ADGRG7: variants seen among roughly 807,000 people sequenced by gnomAD.
The protein encoded by ADGRG7 is G-protein coupled receptor 128.
In ADGRG7, 82 loss-of-function variants were observed where a neutral mutation model predicts 88.6. The ratio of observed to expected loss-of-function variants is 0.93; its 90% CI spans 0.77 to 1.11. The LOEUF (loss-of-function observed/expected upper bound fraction) is 1.11, where lower values mean the gene tolerates loss of function less well. ADGRG7 is among the 50% of genes most tolerant of loss of function. The pLI, the probability that ADGRG7 is intolerant of heterozygous loss-of-function variation, is 0.00. For missense variants in ADGRG7, 945 were observed against 953.4 expected, an observed-to-expected ratio of 0.99 and a Z score of 0.12; for synonymous variants, 381 against 345.2, an observed-to-expected ratio of 1.10 and a Z score of -1.15.
chr3:100,659,992 T>G (rs1314954501), intron 14 of ADGRG7, 149 bp downstream of exon 14: 9 of 679,282 alleles, frequency 1.3e-5, no homozygotes, highest in Middle Eastern at 5.8e-4. Flanking sequence ...TCTTACACTT[T>G]GACTCAGAAG....
chr3:100,630,530 C>T lies in ADGRG7; in HGVS notation c.230-175C>T, dbSNP rs41272969. Among the ~76,000 whole-genome samples the T allele has an allele frequency of 7.1e-3, 1,074 of 152,240 alleles. 10 individuals are homozygous for T. Among genetic ancestry groups the T allele is most frequent in the African/African-American group, 0.013 (550 of 41,550 alleles). On this transcript the variant is annotated intron_variant, in intron 2 of 15. Coordinates refer to ENST00000273352, the MANE Select transcript of ADGRG7 (RefSeq NM_032787.3). ...TTGTCTAACATACTAGTTATTCTAA[C>T]GGCAATGACTTAACCAGATAGCAAA...
At chr3:100,652,538 T>C (rs773241156) in intron 11 of ADGRG7, among the ~76,000 whole-genome samples, 1 of 152,208 alleles carries the variant, frequency 6.6e-6, no homozygotes, top group Non-Finnish European at 1.5e-5. Flanking sequence ...TCTGCCATAG[T>C]GTACATGAAA....
At chr3:100,683,137 A>G (rs72915295) in intron 15 of ADGRG7, among the ~76,000 whole-genome samples, 1,554 of 152,286 alleles carry the variant, frequency 0.01, 25 homozygotes, top group African/African-American at 0.036. Flanking sequence ...TCTATCACTC[A>G]GTAAAGCTCC....
In ADGRG7 at chr3:100,609,906, G is replaced by A. The variant is rs771782119; in HGVS notation, c.50G>A (p.Cys17Tyr). ...CTTAGGGTGCTGGTGGCTGTCGTGT[G>A]TGGACTACTGACTGGCATCATTTTG... ...WNLRVLVAVV[C>Y]GLLTGIILGL... The change falls in exon 1 of 16, where the codon TGT becomes TAT. Residue 17 changes from cysteine (C) to tyrosine (Y), a missense_variant. Cys to Tyr is a radical substitution (Grantham distance 194, BLOSUM62 -2). Coordinates refer to ENST00000273352, the MANE Select transcript of ADGRG7 (RefSeq NM_032787.3). The A allele has an allele frequency of 1.2e-5, 19 of 1,613,912 alleles. No homozygotes were observed. The highest frequency in any genetic ancestry group is 1.5e-5 in the Non-Finnish European group (18 of 1,179,912).
Position 100,659,763 on chromosome 3 carries a change from C to T in ADGRG7, c.1899C>T (p.Thr633=), listed in dbSNP as rs761227434. The T allele has an allele frequency of 6.2e-7, 1 of 1,613,954 alleles. No individual in the cohort carries two copies. The highest frequency in any genetic ancestry group is 8.5e-7 in the Non-Finnish European group (1 of 1,179,894). ...TGTGGTCATTCATCGTACCTGTAACCATTATCCTCATCAGCAATGTTGTTA... is the reference window on the plus strand; with the variant it reads ...TGTGGTCATTCATCGTACCTGTAACTATTATCCTCATCAGCAATGTTGTTA... ...PLLWSFIVPV[T]IILISNVVMF... The change falls in exon 14 of 16, where the codon ACC becomes ACT. Residue 633 remains threonine, a synonymous_variant. Transcript: ENST00000273352.
chr3:100,682,535 G>A (rs1315684197), intron 15 of ADGRG7, among the ~76,000 whole-genome samples: 1 of 152,180 alleles, frequency 6.6e-6, no homozygotes, highest in African/African-American at 2.4e-5. Flanking sequence ...GGTGACCGCC[G>A]AGCCTGACGT....
At chr3:100,684,527 C>A (rs1016759529) in intron 15 of ADGRG7, among the ~76,000 whole-genome samples, 2 of 152,102 alleles carry the variant, frequency 1.3e-5, no homozygotes, top group Non-Finnish European at 1.5e-5. Flanking sequence ...GTCAGCTTCC[C>A]AAAGTGTTGG....
In ADGRG7 at chr3:100,694,786, T is replaced by G. The variant is rs780597144; in HGVS notation, c.2179T>G (p.Phe727Val). The G allele has an allele frequency of 6.8e-6, 11 of 1,614,016 alleles. No individual in the cohort carries two copies. The Admixed American group carries it at 1.5e-4, about 22-fold the overall frequency. ...FILYTVRTKV[F>V]QSEASKVLML... ...CCTGTACACTGTTAGAACAAAAGTC[T>G]TCCAGAGTGAAGCTTCCAAAGTGTT... Residue 727 changes from phenylalanine (F) to valine (V), a missense_variant, in exon 16 of 16, where the codon TTC becomes GTC. Phe to Val is a conservative substitution (Grantham distance 50). Transcript: ENST00000273352.
intron 15 of ADGRG7, among the ~76,000 whole-genome samples, chr3:100,690,211 GT>G (rs2094990870): frequency 6.6e-6 from 1 of 152,200 alleles, no homozygotes; most frequent in African/African-American, 2.4e-5. Context: ...TCGTGCCGTG[GT>G]TTTCAGCTCC....
At chr3:100,635,622 A>C in intron 4 of ADGRG7, 55 bp from the exon 5 acceptor site, 1 of 1,573,608 alleles carries the variant, frequency 6.4e-7, no homozygotes, top group Non-Finnish European at 8.6e-7. Context: ...TTGCTTACAA[A>C]GTGTTTGGAC....
intron 15 of ADGRG7, among the ~76,000 whole-genome samples, chr3:100,683,217 A>T (rs2094976489): frequency 6.6e-6 from 1 of 152,144 alleles, no homozygotes; most frequent in Non-Finnish European, 1.5e-5. Flanking sequence ...CTAGGGACCC[A>T]CCAGAACGGC....
At chr3:100,683,007 G>A (rs2094976105) in intron 15 of ADGRG7, among the ~76,000 whole-genome samples, 3 of 152,184 alleles carry the variant, frequency 2.0e-5, no homozygotes, top group Admixed American at 2.0e-4. Context: ...AAGCCAGGGA[G>A]GGCCTGATGA....
At position 100,644,214 on chromosome 3, in the gene ADGRG7, A is replaced by G. The variant is rs111248405; in HGVS notation, c.946+581A>G. On this transcript the variant is annotated intron_variant, in intron 8 of 15. Transcript: ENST00000273352. ...AAAAAAAAATAAGTAAATCAAACAGACACACTTACTTTTCATTTCTCCCCA... is the reference window on the plus strand; with the variant it reads ...AAAAAAAAATAAGTAAATCAAACAGGCACACTTACTTTTCATTTCTCCCCA... Among the ~76,000 whole-genome samples, 759 of 152,220 alleles carry G rather than the reference A, an allele frequency of 5.0e-3. 8 individuals are homozygous for G. The highest frequency in any genetic ancestry group is 0.017 in the African/African-American group (725 of 41,550).
intron 12 of ADGRG7, 68 bp downstream of exon 12, chr3:100,655,249 T>C (rs1361485724): frequency 4.3e-6 from 5 of 1,150,100 alleles, no homozygotes; most frequent in African/African-American, 3.1e-5. Flanking sequence ...TAAACACTTA[T>C]TGAAGGCCTA....
chr3:100,630,775 A>G lies in ADGRG7; in HGVS notation c.300A>G (p.Pro100=), dbSNP rs763068527. 120 of 1,484,396 alleles carry G rather than the reference A, an allele frequency of 8.1e-5. No individual in the cohort carries two copies. Among genetic ancestry groups the G allele is most frequent in the Non-Finnish European group, 1.0e-4 (114 of 1,119,478 alleles). The allele number at this position is 1,484,396 out of a possible 1,614,324, so 92.0% of individuals were successfully genotyped here. A position where few individuals can be genotyped will look rare whatever the true frequency, so the allele number is the denominator to read the frequency against. The change falls in exon 3 of 16, where the codon CCA becomes CCG. Residue 100 remains proline (P), a synonymous_variant. Transcript: ENST00000273352. ...FARIPVGRYG[P]SLQTCGKDTP... Reference sequence around the variant, plus strand: ...GAATCCCAGTGGGCAGATATGGACCATCCTTGCAAACATGTGGCAAGGATA... The same window carrying G: ...GAATCCCAGTGGGCAGATATGGACCGTCCTTGCAAACATGTGGCAAGGATA...
intron 15 of ADGRG7, among the ~76,000 whole-genome samples, chr3:100,685,301 G>A (rs753413877): frequency 6.6e-6 from 1 of 152,012 alleles, no homozygotes; most frequent in African/African-American, 2.4e-5. Context: ...ATAGACGAAC[G>A]GAAATTTTAT....
At chr3:100,694,057 T>A (rs953971569) in intron 15 of ADGRG7, among the ~76,000 whole-genome samples, 6 of 152,250 alleles carry the variant, frequency 3.9e-5, no homozygotes, top group African/African-American at 1.4e-4. Context: ...ACTTAGTTTA[T>A]CTGAACTTTA....
intron 1 of ADGRG7, 86 bp from the exon 2 acceptor site, chr3:100,629,512 A>T: frequency 1.3e-6 from 1 of 792,686 alleles, no homozygotes; most frequent in African/African-American, 1.7e-5. Context: ...CAGTGGTTTT[A>T]CGTGTAGAAA....
At chr3:100,660,910 C>T (rs1477248493) in intron 14 of ADGRG7, among the ~76,000 whole-genome samples, 1 of 151,098 alleles carries the variant, frequency 6.6e-6, no homozygotes, top group Admixed American at 6.6e-5. Flanking sequence ...TGAGATTGCA[C>T]CATTGCACTC....
Sources: allele counts gnomAD v4.1 joint callset (sites outside exome capture counted in the v4.1 genomes callset), GRCh38; gene constraint gnomAD v4.1.1; transcripts MANE v1.5; gene names NCBI Gene and HGNC (gene_info 2026-07-23, HGNC 2026-07-21).